The following DENND4B variants were observed in gnomAD, a reference collection of about 807,000 sequenced individuals.
DENND4B encodes DENN domain-containing protein 4B.
DENND4B carries 67 observed loss-of-function variants against 161.0 expected under a neutral mutation model. The observed-to-expected ratio is 0.42, with a 90% CI of 0.34 to 0.51. DENND4B has a LOEUF of 0.51. Ranked by LOEUF, DENND4B falls within the 20% of genes least tolerant of loss-of-function variation. The pLI is 0.08. For missense variants in DENND4B, 1,481 were observed against 1,968.0 expected, an observed-to-expected ratio of 0.75 and a Z score of 4.68; for synonymous variants, 753 against 813.8, an observed-to-expected ratio of 0.93 and a Z score of 1.27.
Position 153,932,259 on chromosome 1 carries a change from G to A in DENND4B, c.3941C>T (p.Pro1314Leu), listed in dbSNP as rs1377560814. Reference protein sequence around the residue: ...LLWYFQRLRLPSILPGLVLAS... With the variant: ...LLWYFQRLRLLSILPGLVLAS... ...CAGCACCAGGCCTGGTAGAATACTG[G>A]GCAGGCGTAGCCGTTGGAAATACCA... Residue 1314 changes from proline to leucine, a missense_variant, in exon 24 of 28, where the codon CCC (proline) becomes CTC (leucine). By Grantham distance (98) the Pro-to-Leu change is moderately conservative. Around this residue, in one of 3 missense-constraint regions of DENND4B, gnomAD observed 336 missense variants for 503.3 expected, o/e 0.67. Transcript: ENST00000361217. This position sits in a 1 kb window ranked among gnomAD's most constrained non-coding sequence, Gnocchi z 5.8. The A allele has an allele frequency of 6.2e-7, 1 of 1,614,002 alleles. No individual in the cohort carries two copies. Among genetic ancestry groups the A allele is most frequent in the Admixed American group, 1.7e-5 (1 of 60,020 alleles).
intron 24 of DENND4B, 33 bp from the exon 25 acceptor site, chr1:153,931,097 C>T (rs1472251938): frequency 5.2e-6 from 8 of 1,549,714 alleles, no homozygotes; most frequent in Non-Finnish European, 6.2e-6. Context: ...GACAGTTAGG[C>T]TCAACGAATG....
At chr1:153,941,159 TG>T in intron 8 of DENND4B, 71 bp downstream of exon 8, 1 of 1,591,894 alleles carries the variant, frequency 6.3e-7, no homozygotes, top group African/African-American at 1.3e-5. Context: ...CCTCAACAGC[TG>T]CACCCACCTG....
chr1:153,946,762 AG>A (rs1486478062), upstream of DENND4B: 4 of 371,224 alleles, frequency 1.1e-5, no homozygotes, highest in Admixed American at 4.6e-5. The surrounding 1 kb of genome is among the most constrained non-coding windows in gnomAD (Gnocchi z 6.3). Flanking sequence ...GGCGGCTGGG[AG>A]GGCCCCCTGC....
At position 153,936,445 on chromosome 1, in the gene DENND4B, T is replaced by C. The variant is rs990985603; in HGVS notation, c.2439+97A>G. The C allele has an allele frequency of 1.5e-6, 2 of 1,361,348 alleles. No individual in the cohort carries two copies. The highest frequency in any genetic ancestry group is 1.5e-5 in the South Asian group (1 of 67,136). 84.3% of individuals were successfully genotyped at this position (1,361,348 alleles called of 1,614,324 possible). A position where few individuals can be genotyped will look rare whatever the true frequency, so the allele number is the denominator to read the frequency against. On this transcript the variant is annotated intron_variant, in intron 16 of 27. Coordinates refer to ENST00000361217, the MANE Select transcript of DENND4B (RefSeq NM_014856.3). This position sits in a 1 kb window ranked among gnomAD's most constrained non-coding sequence, Gnocchi z 4.1. ...CCCAGCTCTGGGGCTCTGCAACTTC[T>C]TTCCTTAGTCTCCACCAAGTTTCCC...
Position 153,933,702 on chromosome 1 carries a change from A to G in DENND4B, c.3111T>C (p.Ser1037=). 2 of 1,582,320 alleles carry G rather than the reference A, an allele frequency of 1.3e-6. No homozygotes were observed. Among genetic ancestry groups the G allele is most frequent in the South Asian group, 1.1e-5 (1 of 87,774 alleles). Residue 1037 remains serine, a synonymous_variant, in exon 20 of 28, where the codon AGT becomes AGC. Transcript: ENST00000361217. The surrounding 1 kb of genome is among the most constrained non-coding windows in gnomAD (Gnocchi z 5.7). ...GCCCACCAGCCTTGGGTCCCCGCCC[A>G]CTTAGCCCTTCCAGGGCCTCAGTGG... ...AQSTEALEGL[S]GRGPKAGGRQ... is the part of the protein sequence containing the mutation.
At chr1:153,945,099 G>A (rs1367568109) in intron 1 of DENND4B, 2 of 1,288,936 alleles carry the variant, frequency 1.6e-6, no homozygotes, top group Non-Finnish European at 2.0e-6. Flanking sequence ...ATGGAGCCCA[G>A]AGACAGAAAC....
rs1679618128 is a variant in DENND4B, at chr1:153,940,746, A to G, written c.1327-140T>C. On this transcript the variant is annotated intron_variant, in intron 9 of 27. Coordinates refer to ENST00000361217, the MANE Select transcript of DENND4B (RefSeq NM_014856.3). The surrounding 1 kb of genome is among the most constrained non-coding windows in gnomAD (Gnocchi z 5.6). ...CTGTTGGAAGTAGGCTCTAGAGAAG[A>G]GCTCCTGATGGAAGCTATGTGTTCC... 1 of 1,439,246 alleles carries G rather than the reference A, an allele frequency of 6.9e-7. No homozygotes were observed. Among genetic ancestry groups the G allele is most frequent in the Non-Finnish European group, 9.3e-7 (1 of 1,074,764 alleles). 89.2% of individuals were successfully genotyped at this position (1,439,246 alleles called of 1,614,324 possible). A position where few individuals can be genotyped will look rare whatever the true frequency, so the allele number is the denominator to read the frequency against.
In DENND4B at chr1:153,940,401, G is replaced by GC. The variant is rs1355315259; in HGVS notation, c.1502+29dup. 6.2e-7 allele frequency: 1 copy of GC among 1,604,640 alleles called. No individual in the cohort carries two copies. The highest frequency in any genetic ancestry group is 1.3e-5 in the African/African-American group (1 of 74,824). ...CTAGCCCATTCCTGCCCACCACCCT[G>GC]CAGCCCCCAAATGAGACCCAGCCTC... On this transcript the variant is annotated intron_variant, in intron 10 of 27. Transcript: ENST00000361217. This position sits in a 1 kb window ranked among gnomAD's most constrained non-coding sequence, Gnocchi z 5.6.
chr1:153,936,588 T>C lies in DENND4B; in HGVS notation c.2393A>G (p.His798Arg). 5.0e-6 allele frequency: 8 copies of C among 1,611,228 alleles called. No individual in the cohort carries two copies. Among genetic ancestry groups the C allele is most frequent in the African/African-American group, 2.7e-5 (2 of 75,000 alleles). Residue 798 changes from histidine to arginine, a missense_variant, in exon 16 of 28, where the codon CAT becomes CGT. Physicochemically the swap from His to Arg is conservative, Grantham distance 29. Transcript: ENST00000361217. This position sits in a 1 kb window ranked among gnomAD's most constrained non-coding sequence, Gnocchi z 4.1. ...SRVQALHTAY[H>R]VLRQMESGKV... is the part of the protein sequence containing the mutation. ...GCCGCTCTCCATCTGGCGCAGCACA[T>C]GGTAGGCTGTGTGCAGTGCCTGCAC...
rs1053836519 is a variant in DENND4B at position 153,942,575 on chromosome 1, G to A, written c.621C>T (p.Asn207=). ...LCYKVGLAKA[N]TLVYEAELLG... The stretch of plus-strand genomic sequence containing the variant: ...ACTCACCTGCCTCGTACACCAGCGT[G>A]TTGGCCTTCGCCAGGCCCACCTTAT... The change falls in exon 4 of 28, where the codon AAC becomes AAT. Residue 207 remains asparagine, a synonymous_variant. Coordinates refer to ENST00000361217, the MANE Select transcript of DENND4B (RefSeq NM_014856.3). This position sits in a 1 kb window ranked among gnomAD's most constrained non-coding sequence, Gnocchi z 6.9. 7 of 1,598,010 alleles carry A rather than the reference G, an allele frequency of 4.4e-6. No individual in the cohort carries two copies. The highest frequency in any genetic ancestry group is 1.7e-5 in the Admixed American group (1 of 57,510).
At position 153,930,924 on chromosome 1, in the gene DENND4B, C is replaced by A. The variant is rs1678879974; in HGVS notation, c.4114+23G>T. On this transcript the variant is annotated intron_variant, in intron 25 of 27. Transcript: ENST00000361217. The surrounding 1 kb of genome is among the most constrained non-coding windows in gnomAD (Gnocchi z 4.7). The stretch of plus-strand genomic sequence containing the variant: ...CTGGGTATGGGACCCACCCTCCCCA[C>A]CCAGGCCAAATACCAGACTCACTGT... 6.2e-7 allele frequency: 1 copy of A among 1,601,496 alleles called. No homozygotes were observed. Among genetic ancestry groups the A allele is most frequent in the East Asian group, 2.3e-5 (1 of 44,434 alleles).
At chr1:153,941,837 C>T in intron 6 of DENND4B, 32 bp downstream of exon 6, 2 of 1,609,068 alleles carry the variant, frequency 1.2e-6, no homozygotes, top group Non-Finnish European at 1.7e-6. Flanking sequence ...CCCTTCCTAA[C>T]CCCTTCCCAA....
In DENND4B at chr1:153,946,649, C is replaced by G; in HGVS notation, c.-372G>C. 1 of 382,548 alleles carries G rather than the reference C, an allele frequency of 2.6e-6. No individual in the cohort carries two copies. The highest frequency in any genetic ancestry group is 4.6e-6 in the Non-Finnish European group (1 of 215,844). The allele number at this position is 382,548 out of a possible 1,614,324, so 23.7% of individuals were successfully genotyped here. On this transcript the variant is annotated 5_prime_UTR_variant, in exon 1 of 28. Coordinates refer to ENST00000361217, the MANE Select transcript of DENND4B (RefSeq NM_014856.3). The surrounding 1 kb of genome is among the most constrained non-coding windows in gnomAD (Gnocchi z 6.3). ...TTCTCTACTCCCCCAACCCCCGCTCCGGGCCGCGGGCGCCGCCGCTACCCC... is the reference window on the plus strand; with the variant it reads ...TTCTCTACTCCCCCAACCCCCGCTCGGGGCCGCGGGCGCCGCCGCTACCCC...
At chr1:153,935,071 T>A in intron 17 of DENND4B, 107 bp from the exon 18 acceptor site, 1 of 1,541,650 alleles carries the variant, frequency 6.5e-7, no homozygotes, top group South Asian at 1.2e-5. Context: ...CCTGCAGACA[T>A]CCTGTCTAGG....
Position 153,940,072 on chromosome 1 carries a change from G to A in DENND4B, c.1603+84C>T. On this transcript the variant is annotated intron_variant, in intron 11 of 27. Coordinates refer to ENST00000361217, the MANE Select transcript of DENND4B (RefSeq NM_014856.3). The surrounding 1 kb of genome is among the most constrained non-coding windows in gnomAD (Gnocchi z 5.6). ...AACTTCACTCACCTCCTTAAGAAATGTCTAGCTCCCCACAGACCTCTGCAA... is the reference window on the plus strand; with the variant it reads ...AACTTCACTCACCTCCTTAAGAAATATCTAGCTCCCCACAGACCTCTGCAA... 4 of 1,216,278 alleles carry A rather than the reference G, an allele frequency of 3.3e-6. No homozygotes were observed. Among genetic ancestry groups the A allele is most frequent in the Non-Finnish European group, 4.6e-6 (4 of 878,370 alleles). 75.3% of individuals were successfully genotyped at this position (1,216,278 alleles called of 1,614,324 possible).
Position 153,936,481 on chromosome 1 carries a change from C to T in DENND4B, c.2439+61G>A. 1 of 1,476,194 alleles carries T rather than the reference C, an allele frequency of 6.8e-7. No homozygotes were observed. The highest frequency in any genetic ancestry group is 9.1e-7 in the Non-Finnish European group (1 of 1,102,268). 91.4% of individuals were successfully genotyped at this position (1,476,194 alleles called of 1,614,324 possible). A position where few individuals can be genotyped will look rare whatever the true frequency, so the allele number is the denominator to read the frequency against. On this transcript the variant is annotated intron_variant, in intron 16 of 27. Coordinates refer to ENST00000361217, the MANE Select transcript of DENND4B (RefSeq NM_014856.3). The surrounding 1 kb of genome is among the most constrained non-coding windows in gnomAD (Gnocchi z 4.1). ...TCCACCAAGTTTCCCTCTCACAGCC[C>T]TCTCCAGCTGCACAAGGCTCACTGG...
Position 153,942,408 on chromosome 1 carries a change from C to T in DENND4B, c.641-52G>A. 6.3e-7 allele frequency: 1 copy of T among 1,593,228 alleles called. No individual in the cohort carries two copies. The highest frequency in any genetic ancestry group is 8.5e-7 in the Non-Finnish European group (1 of 1,169,916). On this transcript the variant is annotated intron_variant, in intron 4 of 27. Coordinates refer to ENST00000361217, the MANE Select transcript of DENND4B (RefSeq NM_014856.3). This position sits in a 1 kb window ranked among gnomAD's most constrained non-coding sequence, Gnocchi z 6.9. ...CCCAAAAGGAGCAGGGTCCATCAGACTCCAAGGGAAATGAACCAAGGGATC... is the reference window on the plus strand; with the variant it reads ...CCCAAAAGGAGCAGGGTCCATCAGATTCCAAGGGAAATGAACCAAGGGATC...
Position 153,931,040 on chromosome 1 carries a change from C to T in DENND4B, c.4021G>A (p.Asp1341Asn), listed in dbSNP as rs1393039600. ...AGCCGTACCTGAACAGAGGCTGGAT[C>T]AGGGGTTAGCCAAGGAGATGGGGCC... Reference protein sequence around the residue: ...SQAPSPWLTPDPASVQVRLLW... With the variant: ...SQAPSPWLTPNPASVQVRLLW... The change falls in exon 25 of 28, where the codon GAT becomes AAT. Residue 1341 changes from aspartate (D) to asparagine (N), a missense_variant. Around this residue, in one of 3 missense-constraint regions of DENND4B, gnomAD observed 336 missense variants for 503.3 expected, o/e 0.67. Transcript: ENST00000361217. 1 of 1,611,720 alleles carries T rather than the reference C, an allele frequency of 6.2e-7. No homozygotes were observed. The highest frequency in any genetic ancestry group is 8.5e-7 in the Non-Finnish European group (1 of 1,179,134).
intron 24 of DENND4B, among the ~76,000 whole-genome samples, chr1:153,931,607 C>T (rs1380432477): frequency 1.3e-5 from 2 of 151,532 alleles, no homozygotes; most frequent in African/African-American, 4.9e-5. Flanking sequence ...ACGCCATTCT[C>T]CTGCCTCAGC....
Sources: gnomAD v4.1 joint callset for allele counts (sites outside exome capture counted in the v4.1 genomes callset) on GRCh38, gnomAD v4.1.1 for gene constraint, gnomAD v4.1.1 regional missense constraint, Gnocchi (gnomAD v3.1) non-coding constraint, MANE v1.5 for transcripts, NCBI Gene and HGNC (gene_info 2026-07-23, HGNC 2026-07-21) for gene names.